The following DMTF1 variants were observed in gnomAD, a reference collection of about 807,000 sequenced individuals.
DMTF1 encodes cyclin-D-binding Myb-like transcription factor 1.
A neutral mutation model predicts 91.1 loss-of-function variants in DMTF1; 39 were observed. That is an observed-to-expected ratio of 0.43 (90% CI 0.33 to 0.56). The LOEUF is 0.56. Ranked by LOEUF, DMTF1 falls within the 20% of genes least tolerant of loss-of-function variation. The pLI is 0.05. For synonymous variants in DMTF1, 338 were observed against 309.5 expected (o/e 1.09, Z -0.97); for missense variants, 750 against 914.5 (o/e 0.82, Z 2.32).
chr7:87,193,886 A>G lies in DMTF1; in HGVS notation c.1812A>G (p.Pro604=), dbSNP rs1436512214. 1 of 1,613,420 alleles carries G rather than the reference A, an allele frequency of 6.2e-7. No homozygotes were observed. Among genetic ancestry groups the G allele is most frequent in the South Asian group, 1.1e-5 (1 of 91,070 alleles). The change falls in exon 16 of 18, where the codon CCA becomes CCG. Residue 604 remains proline (P), a synonymous_variant. Transcript: ENST00000331242. The part of the protein sequence containing the change: ...DIQSSDFPEP[P]DALEADTFPD... Reference sequence around the variant, plus strand: ...AGTCATCTGATTTTCCTGAGCCTCCAGACGCCCTAGAAGCAGACACTTTCC... The same window carrying G: ...AGTCATCTGATTTTCCTGAGCCTCCGGACGCCCTAGAAGCAGACACTTTCC...
At chr7:87,187,835 A>G (rs1339161433) in intron 12 of DMTF1, 1 of 474,392 alleles carries the variant, frequency 2.1e-6, no homozygotes, top group African/African-American at 2.0e-5. Context: ...GTTCTTTGTA[A>G]TGTCTACCTT....
At position 87,195,346 on chromosome 7, in the gene DMTF1, G is replaced by T. The variant is rs868024991; in HGVS notation, c.*206G>T. The stretch of plus-strand genomic sequence containing the variant: ...TTGAGTTTTATGACAGTATGTAGTT[G>T]AGTGGAGGCTGGGAGTTTTAAGCAT... On this transcript the variant is annotated 3_prime_UTR_variant, in exon 18 of 18. Coordinates refer to ENST00000331242, the MANE Select transcript of DMTF1 (RefSeq NM_001142327.2). 48 of 432,628 alleles carry T rather than the reference G, an allele frequency of 1.1e-4. No homozygotes were observed. The highest frequency in any genetic ancestry group is 2.8e-4 in the Admixed American group (7 of 24,908). 26.8% of individuals were successfully genotyped at this position (432,628 alleles called of 1,614,324 possible).
chr7:87,153,691 T>C (rs1789942463), intron 1 of DMTF1, among the ~76,000 whole-genome samples: 1 of 152,234 alleles, frequency 6.6e-6, no homozygotes, highest in Non-Finnish European at 1.5e-5. Flanking sequence ...GGCTGCATGT[T>C]GGGACGTCCT....
In DMTF1 at chr7:87,189,124, C is replaced by T. The variant is rs117589230; in HGVS notation, c.1411+823C>T. On this transcript the variant is annotated intron_variant, in intron 13 of 17. Coordinates refer to ENST00000331242, the MANE Select transcript of DMTF1 (RefSeq NM_001142327.2). ...GATATTCAGTGTCCTTTGATCTTGCCCACAGAATATTAGTAGTACATGCCA... is the reference window on the plus strand; with the variant it reads ...GATATTCAGTGTCCTTTGATCTTGCTCACAGAATATTAGTAGTACATGCCA... Among the ~76,000 whole-genome samples the T allele has an allele frequency of 5.9e-4, 89 of 152,134 alleles. 3 individuals carry two copies. In the East Asian group the frequency reaches 0.015, roughly 26 times the overall value.
At position 87,179,604 on chromosome 7, in the gene DMTF1, A is replaced by G. The variant is rs1455958414; in HGVS notation, c.579A>G (p.Lys193=). The change falls in exon 8 of 18, where the codon AAA becomes AAG. Residue 193 remains lysine, a synonymous_variant. Transcript: ENST00000331242. Reference sequence around the variant, plus strand: ...TTGAGATGTCAAAAGACGAAAGAAAAGATTTCTACAGGACTATAGCATGGG... The same window carrying G: ...TTGAGATGTCAAAAGACGAAAGAAAGGATTTCTACAGGACTATAGCATGGG... ...IIFEMSKDER[K]DFYRTIAWGL... The G allele has an allele frequency of 1.3e-6, 2 of 1,564,694 alleles. No homozygotes were observed. Among genetic ancestry groups the G allele is most frequent in the Middle Eastern group, 1.7e-4 (1 of 5,970 alleles).
Position 87,163,527 on chromosome 7 carries a change from C to G in DMTF1, c.-99C>G, listed in dbSNP as rs1449355452. 6.6e-6 allele frequency: 1 copy of G among 152,158 alleles called. No homozygotes were observed. Among genetic ancestry groups the G allele is most frequent in the Non-Finnish European group, 1.5e-5 (1 of 68,050 alleles). 9.4% of individuals were successfully genotyped at this position (152,158 alleles called of 1,614,324 possible). On this transcript the variant is annotated 5_prime_UTR_variant, in exon 2 of 18. Transcript: ENST00000331242. The stretch of plus-strand genomic sequence containing the variant: ...CGGAGATAGGAACATGGGAGAGAAA[C>G]AATCTGGGTAACATGAAAGTGATGC...
At chr7:87,172,319 C>CT (rs1400387391) in intron 5 of DMTF1, among the ~76,000 whole-genome samples, 2 of 152,180 alleles carry the variant, frequency 1.3e-5, no homozygotes, top group African/African-American at 2.4e-5. Flanking sequence ...GGCTATAAAA[C>CT]TTATTCACAC....
At chr7:87,170,764 G>A (rs916085401) in intron 4 of DMTF1, among the ~76,000 whole-genome samples, 3 of 152,126 alleles carry the variant, frequency 2.0e-5, no homozygotes, top group African/African-American at 7.2e-5. Context: ...ATGAAGAAAG[G>A]ATTTTTGTTT....
chr7:87,180,849 T>C (rs758653941), intron 8 of DMTF1, among the ~76,000 whole-genome samples: 1 of 151,278 alleles, frequency 6.6e-6, no homozygotes, highest in Non-Finnish European at 1.5e-5. Context: ...GAAGCATTTA[T>C]TTTCAACTTT....
At chr7:87,160,824 C>G (rs945956645) in intron 1 of DMTF1, among the ~76,000 whole-genome samples, 2 of 152,166 alleles carry the variant, frequency 1.3e-5, no homozygotes, top group Non-Finnish European at 2.9e-5. Context: ...ATCTCTCTAG[C>G]TGGTCCTTCT....
Position 87,171,769 on chromosome 7 carries a change from T to TCG in DMTF1, c.327+681_327+682insGC, listed in dbSNP as rs1273662949. On this transcript the variant is annotated intron_variant, in intron 5 of 17. Transcript: ENST00000331242. The stretch of plus-strand genomic sequence containing the variant: ...GTAGTGAAAAATGGGGGTAAAATAC[T>TCG]CTAAGACTGATTAATATTTATATGT... Among the ~76,000 whole-genome samples, 4 of 152,192 alleles carry TCG rather than the reference T, an allele frequency of 2.6e-5. No homozygotes were observed. The East Asian group carries it at 5.8e-4, about 22-fold the overall frequency.
chr7:87,187,887 TAAGA>T, intron 12 of DMTF1: 1 of 567,962 alleles, frequency 1.8e-6, no homozygotes, highest in South Asian at 2.2e-5. Flanking sequence ...ATAACAATAT[TAAGA>T]ATTAAAATTT....
chr7:87,170,717 T>A (rs937223292), intron 4 of DMTF1, among the ~76,000 whole-genome samples: 1 of 152,204 alleles, frequency 6.6e-6, no homozygotes, highest in African/African-American at 2.4e-5. Flanking sequence ...TAGTATCTTG[T>A]CCATTTTGTG....
In DMTF1 at chr7:87,193,248, A is replaced by G. The variant is rs1174593437; in HGVS notation, c.1545A>G (p.Thr515=). 1.9e-6 allele frequency: 3 copies of G among 1,613,406 alleles called. No individual in the cohort carries two copies. The East Asian group carries it at 6.7e-5, about 36-fold the overall frequency. ...CTCCAGGCACCTACCTACTTCAAAC[A>G]AGCTCAAGCCAAGGCCTTCCCCTAA... is the stretch of plus-strand genomic sequence containing the variant. The part of the protein sequence containing the change: ...TGTPGTYLLQ[T]SSSQGLPLTL... Residue 515 remains threonine, a synonymous_variant, in exon 15 of 18, where the codon ACA becomes ACG. Coordinates refer to ENST00000331242, the MANE Select transcript of DMTF1 (RefSeq NM_001142327.2).
chr7:87,194,657 C>T lies in DMTF1; in HGVS notation c.2029-27C>T, dbSNP rs573770065. ...AAGGAAGACTAGTAAGAATATGAGT[C>T]AATATTTTTTTTTTAATGTTATTTA... On this transcript the variant is annotated intron_variant, in intron 16 of 17. Transcript: ENST00000331242. 7 of 1,542,674 alleles carry T rather than the reference C, an allele frequency of 4.5e-6. No homozygotes were observed. In the South Asian group the frequency reaches 5.7e-5, roughly 13 times the overall value.
intron 7 of DMTF1, among the ~76,000 whole-genome samples, chr7:87,175,220 C>T (rs1796019794): frequency 6.6e-6 from 1 of 151,872 alleles, no homozygotes; most frequent in Non-Finnish European, 1.5e-5. Flanking sequence ...GGGGTTTCAC[C>T]ATGTTGGCCA....
At chr7:87,185,320 A>G (rs1798173441) in intron 11 of DMTF1, among the ~76,000 whole-genome samples, 1 of 152,090 alleles carries the variant, frequency 6.6e-6, no homozygotes, top group Non-Finnish European at 1.5e-5. Context: ...TTAAACCTCA[A>G]ATTTTGTTGT....
At position 87,194,010 on chromosome 7, in the gene DMTF1, AGT is replaced by A; in HGVS notation, c.1939_1940del (p.Val647TyrfsTer10). 1 of 1,613,330 alleles carries A rather than the reference AGT, an allele frequency of 6.2e-7. No homozygotes were observed. Among genetic ancestry groups the A allele is most frequent in the Non-Finnish European group, 8.5e-7 (1 of 1,179,558 alleles). ...SDQNSTELMN[S>X]VMVRTEEEIS... is the part of the protein sequence containing the mutation. ...CCAAAATAGCACAGAACTGATGAAT[AGT>A]GTTATGGTCAGAACAGAAGAAGAAA... On this transcript the variant is annotated frameshift_variant, in exon 16 of 18. Coordinates refer to ENST00000331242, the MANE Select transcript of DMTF1 (RefSeq NM_001142327.2). LOFTEE classifies it high-confidence loss of function.
At chr7:87,164,057 A>T (rs1466794551) in intron 2 of DMTF1, among the ~76,000 whole-genome samples, 4 of 12,308 alleles carry the variant, frequency 3.2e-4, no homozygotes, top group South Asian at 5.0e-3. Flanking sequence ...CCTTCTCTAA[A>T]AAAAAAAAAA....
Sources: allele counts gnomAD v4.1 joint callset (sites outside exome capture counted in the v4.1 genomes callset), GRCh38; gene constraint gnomAD v4.1.1; transcripts MANE v1.5; gene names NCBI Gene and HGNC (gene_info 2026-07-23, HGNC 2026-07-21).